KCNN3: variants seen among roughly 807,000 people sequenced by gnomAD.
KCNN3 encodes the protein small conductance calcium-activated potassium channel protein 3.
KCNN3 carries 16 observed loss-of-function variants against 62.9 expected under a neutral mutation model. The ratio of observed to expected loss-of-function variants is 0.25; its 90% CI spans 0.17 to 0.39. KCNN3 has a LOEUF of 0.39. Ranked by LOEUF, KCNN3 falls within the 10% of genes least tolerant of loss-of-function variation. The pLI is 1.00. For synonymous variants in KCNN3, 370 were observed against 389.2 expected (o/e 0.95, Z 0.58); for missense variants, 599 against 949.4 (o/e 0.63, Z 4.85).
chr1:154,776,696 A>G (rs1648804884), intron 2 of KCNN3, among the ~76,000 whole-genome samples: 1 of 152,196 alleles, frequency 6.6e-6, no homozygotes, highest in African/African-American at 2.4e-5. Flanking sequence ...ATTCATTCCT[A>G]ACAAAGCACA....
intron 2 of KCNN3, among the ~76,000 whole-genome samples, chr1:154,798,616 G>A (rs1457315888): frequency 6.6e-6 from 1 of 152,206 alleles, no homozygotes; most frequent in African/African-American, 2.4e-5. Flanking sequence ...GCAAAGAAAA[G>A]AGCTGACATT....
chr1:154,738,900 T>C (rs1265620788), intron 3 of KCNN3, among the ~76,000 whole-genome samples: 2 of 152,244 alleles, frequency 1.3e-5, no homozygotes, highest in Non-Finnish European at 2.9e-5. Flanking sequence ...TAGTGTTGAC[T>C]GAGTAATGTA....
rs200166147 is a variant in KCNN3 at position 154,826,066 on chromosome 1, A to C, written c.934-3882T>G. Among the ~76,000 whole-genome samples the C allele has an allele frequency of 3.1e-3, 175 of 56,424 alleles. 5 individuals are homozygous for C. The highest frequency in any genetic ancestry group is 2.8e-3 in the East Asian group (4 of 1,404). The allele number at this position is 56,424 out of a possible 152,430, so 37.0% of individuals were successfully genotyped here. On this transcript the variant is annotated intron_variant, in intron 1 of 7. Transcript: ENST00000271915. ...CATCTTAAAAAAAAACAAAAACAAA[A>C]ACAAAAACAAAAACAAAAACAAAAA...
intron 2 of KCNN3, among the ~76,000 whole-genome samples, chr1:154,801,995 AATT>A (rs1284110904): frequency 6.6e-6 from 1 of 152,238 alleles, no homozygotes; most frequent in African/African-American, 2.4e-5. Flanking sequence ...TTGATTGGAC[AATT>A]ATTAGCACTT....
intron 3 of KCNN3, among the ~76,000 whole-genome samples, chr1:154,738,786 A>G (rs1015857816): frequency 6.6e-6 from 1 of 152,246 alleles, no homozygotes; most frequent in African/African-American, 2.4e-5. Context: ...AAGCAAACAA[A>G]CAAACACGAT....
chr1:154,860,473 T>C (rs1652726819), intron 1 of KCNN3, among the ~76,000 whole-genome samples: 1 of 152,100 alleles, frequency 6.6e-6, no homozygotes, highest in African/African-American at 2.4e-5. Context: ...AGACCACAAA[T>C]TGCTAACTGA....
chr1:154,714,615 GTGT>G (rs1557938703), intron 6 of KCNN3, among the ~76,000 whole-genome samples: 17 of 125,622 alleles, frequency 1.4e-4, no homozygotes, highest in African/African-American at 2.1e-4. Flanking sequence ...GGTGTGTGGT[GTGT>G]GTGTGTGTGT....
chr1:154,764,239 G>A (rs1388790441), intron 3 of KCNN3, among the ~76,000 whole-genome samples: 4 of 152,046 alleles, frequency 2.6e-5, no homozygotes, highest in East Asian at 3.8e-4. Flanking sequence ...TTCATACTTT[G>A]TATTGAAATT....
chr1:154,725,839 G>A (rs1025754103), intron 5 of KCNN3, 77 bp downstream of exon 5: 11 of 1,092,808 alleles, frequency 1.0e-5, no homozygotes, highest in East Asian at 2.4e-5. Context: ...CACTGCACCC[G>A]TTGGACCATT....
At chr1:154,822,575 G>A (rs968926919) in intron 1 of KCNN3, among the ~76,000 whole-genome samples, 1 of 152,260 alleles carries the variant, frequency 6.6e-6, no homozygotes. Flanking sequence ...CTATTACATG[G>A]TTTGGGCATC....
chr1:154,807,418 C>T (rs1250712461), intron 2 of KCNN3, among the ~76,000 whole-genome samples: 1 of 152,210 alleles, frequency 6.6e-6, no homozygotes, highest in Non-Finnish European at 1.5e-5. Flanking sequence ...CCACTTAACA[C>T]TCAGAAGCCC....
chr1:154,865,689 C>A (rs1652923855), intron 1 of KCNN3, among the ~76,000 whole-genome samples: 1 of 152,168 alleles, frequency 6.6e-6, no homozygotes, highest in Non-Finnish European at 1.5e-5. Context: ...TTTCAAAAGA[C>A]CCAGGCCTGC....
chr1:154,772,673 A>G lies in KCNN3; in HGVS notation c.1030-280T>C, dbSNP rs1221046650. ...CGCTGCCTGAGATATAGTGATTTAT[A>G]ATAAGAAATAATGTACTTGGTCTTT... On this transcript the variant is annotated intron_variant, in intron 2 of 7. Transcript: ENST00000271915. The surrounding 1 kb of genome is among the most constrained non-coding windows in gnomAD (Gnocchi z 5.6). 6.6e-6 allele frequency among the ~76,000 whole-genome samples: 1 copy of G among 152,246 alleles called. No homozygotes were observed. Among genetic ancestry groups the G allele is most frequent in the African/African-American group, 2.4e-5 (1 of 41,460 alleles).
rs541371924 is a variant in KCNN3, at chr1:154,859,700, T to C, written c.933+9332A>G. On this transcript the variant is annotated intron_variant, in intron 1 of 7. Coordinates refer to ENST00000271915, the MANE Select transcript of KCNN3 (RefSeq NM_002249.6). ...AACCTGGGCAGGGCACCCACCTTTA[T>C]AGGTCTCTCCATCTATAACCTGAAG... 8 of 1,614,192 alleles carry C rather than the reference T, an allele frequency of 5.0e-6. No homozygotes were observed. In the East Asian group the frequency reaches 6.7e-5, roughly 13 times the overall value.
chr1:154,863,942 G>A (rs72993369), intron 1 of KCNN3, among the ~76,000 whole-genome samples: 10,500 of 152,256 alleles, frequency 0.069, 707 homozygotes, highest in African/African-American at 0.18. Flanking sequence ...GTGGGTTACA[G>A]ATGTTTGACT....
chr1:154,721,828 G>T (rs780534796), intron 5 of KCNN3, among the ~76,000 whole-genome samples: 3 of 151,108 alleles, frequency 2.0e-5, no homozygotes, highest in Non-Finnish European at 2.9e-5. Flanking sequence ...CTTTCTTCCA[G>T]TCCCTCTGTG....
chr1:154,791,032 C>G (rs1270719903), intron 2 of KCNN3, among the ~76,000 whole-genome samples: 1 of 151,994 alleles, frequency 6.6e-6, no homozygotes, highest in South Asian at 2.1e-4. Flanking sequence ...AGTTCGAGAC[C>G]AGCCTGGCCA....
At chr1:154,744,058 A>C (rs180690826) in intron 3 of KCNN3, among the ~76,000 whole-genome samples, 1,557 of 152,200 alleles carry the variant, frequency 0.01, 23 homozygotes, top group Non-Finnish European at 0.015. Context: ...GCTTCTCCCG[A>C]GTCATTCTTC....
At chr1:154,714,730 G>A in intron 6 of KCNN3, 146 bp downstream of exon 6, 1 of 1,103,654 alleles carries the variant, frequency 9.1e-7, no homozygotes, top group Non-Finnish European at 1.4e-6. Flanking sequence ...TGTGGCTGGT[G>A]CAGTCAGTGA....
Sources: allele counts gnomAD v4.1 joint callset (sites outside exome capture counted in the v4.1 genomes callset), GRCh38; gene constraint gnomAD v4.1.1; non-coding constraint Gnocchi (gnomAD v3.1); transcripts MANE v1.5; gene names NCBI Gene and HGNC (gene_info 2026-07-23, HGNC 2026-07-21).